AXIN1: variants seen among roughly 807,000 people sequenced by gnomAD.
AXIN1 encodes the protein axin-1.
A neutral mutation model predicts 76.4 loss-of-function variants in AXIN1; 30 were observed. The ratio of observed to expected loss-of-function variants is 0.39; its 90% CI spans 0.29 to 0.53. AXIN1 has a LOEUF of 0.53. AXIN1 is among the 20% of genes least tolerant of loss of function. AXIN1 has a pLI of 0.66. For missense variants in AXIN1, 1,140 were observed against 1,198.8 expected (o/e 0.95, Z 0.72); for synonymous variants, 545 against 501.4 (o/e 1.09, Z -1.16).
rs2054167728 is a variant in AXIN1, at chr16:352,486, C to T, written c.-199G>A. The T allele has an allele frequency of 2.2e-6, 2 of 915,508 alleles. No individual in the cohort carries two copies. The highest frequency in any genetic ancestry group is 1.2e-4 in the East Asian group (1 of 8,366). The allele number at this position is 915,508 out of a possible 1,614,324, so 56.7% of individuals were successfully genotyped here. ...GACCCGGCGGGGGCGCGGCCCGGGG[C>T]GGCCCCCATCTCGGCGGCTGCGGCT... is the stretch of plus-strand genomic sequence containing the variant. On this transcript the variant is annotated 5_prime_UTR_variant, in exon 1 of 11. Coordinates refer to ENST00000262320, the MANE Select transcript of AXIN1 (RefSeq NM_003502.4).
intron 2 of AXIN1, among the ~76,000 whole-genome samples, chr16:325,241 C>A (rs1402785093): frequency 6.6e-6 from 1 of 152,232 alleles, no homozygotes; most frequent in Non-Finnish European, 1.5e-5. Flanking sequence ...CCACCTGTCG[C>A]TCGAGGTCAG....
intron 4 of AXIN1, among the ~76,000 whole-genome samples, chr16:306,814 GT>G (rs2053038971): frequency 6.6e-6 from 1 of 152,228 alleles, no homozygotes; most frequent in Admixed American, 6.5e-5. Context: ...GAAGGGGTCT[GT>G]CCCGGAGCCA....
intron 5 of AXIN1, among the ~76,000 whole-genome samples, chr16:301,771 C>T (rs895976653): frequency 2.0e-5 from 3 of 152,152 alleles, no homozygotes; most frequent in Admixed American, 6.5e-5. Flanking sequence ...AAAATTACAG[C>T]GGCCGGCGAC....
intron 9 of AXIN1, chr16:290,814 CCCCG>C (rs1330980505): frequency 2.6e-6 from 1 of 383,070 alleles, no homozygotes; most frequent in Non-Finnish European, 5.0e-6. Flanking sequence ...GCACCTGCAG[CCCCG>C]AGCCTGGTCA....
intron 1 of AXIN1, among the ~76,000 whole-genome samples, chr16:350,941 G>A (rs1052811465): frequency 6.6e-6 from 1 of 152,032 alleles, no homozygotes; most frequent in Non-Finnish European, 1.5e-5. Context: ...AGACCATCCT[G>A]ACCCACATAC....
At chr16:330,437 T>C (rs529951003) in intron 2 of AXIN1, among the ~76,000 whole-genome samples, 2 of 152,292 alleles carry the variant, frequency 1.3e-5, no homozygotes, top group East Asian at 1.9e-4. Flanking sequence ...ATAATGTACA[T>C]GAAGAACACT....
Position 293,347 on chromosome 16 carries a change from G to A in AXIN1, c.2186+141C>T. 2 of 843,746 alleles carry A rather than the reference G, an allele frequency of 2.4e-6. No individual in the cohort carries two copies. The highest frequency in any genetic ancestry group is 3.3e-5 in the South Asian group (2 of 60,928). 52.3% of individuals were successfully genotyped at this position (843,746 alleles called of 1,614,324 possible). On this transcript the variant is annotated intron_variant, in intron 8 of 10. Coordinates refer to ENST00000262320, the MANE Select transcript of AXIN1 (RefSeq NM_003502.4). The surrounding 1 kb of genome is among the most constrained non-coding windows in gnomAD (Gnocchi z 4.6). ...ACGTGGCCCCTCAGTGGTTCTCAGTGGATGGAAGGGCCCAGTATGGCTGGG... is the reference window on the plus strand; with the variant it reads ...ACGTGGCCCCTCAGTGGTTCTCAGTAGATGGAAGGGCCCAGTATGGCTGGG...
intron 2 of AXIN1, among the ~76,000 whole-genome samples, chr16:326,226 C>T (rs1221662038): frequency 2.0e-5 from 3 of 150,754 alleles, no homozygotes; most frequent in Non-Finnish European, 4.4e-5. Flanking sequence ...TGGCGACAGG[C>T]GCCCATAATC....
At chr16:340,764 G>GTCA (rs2053900388) in intron 2 of AXIN1, among the ~76,000 whole-genome samples, 1 of 152,224 alleles carries the variant, frequency 6.6e-6, no homozygotes, top group African/African-American at 2.4e-5. Flanking sequence ...AATGACAGTG[G>GTCA]GTGAGTGGGA....
chr16:325,060 G>C (rs1461718203), intron 2 of AXIN1, among the ~76,000 whole-genome samples: 1 of 152,076 alleles, frequency 6.6e-6, no homozygotes. Context: ...CCAGATCACA[G>C]CCTCAGCCCC....
intron 2 of AXIN1, among the ~76,000 whole-genome samples, chr16:339,750 C>A (rs2053878774): frequency 6.6e-6 from 1 of 152,122 alleles, no homozygotes; most frequent in African/African-American, 2.4e-5. Context: ...GACTAGAAAC[C>A]CCCCACACCC....
intron 1 of AXIN1, 34 bp from the exon 2 acceptor site, chr16:347,140 A>G: frequency 6.3e-7 from 1 of 1,582,950 alleles, no homozygotes; most frequent in Non-Finnish European, 8.6e-7. Context: ...AGGATTAGGA[A>G]AGGTGGGTCC....
At chr16:306,979 C>CCTG (rs1277300499) in intron 4 of AXIN1, among the ~76,000 whole-genome samples, 1 of 152,188 alleles carries the variant, frequency 6.6e-6, no homozygotes, top group Non-Finnish European at 1.5e-5. Flanking sequence ...GCACCCGGGG[C>CCTG]CTGGAGGCTG....
intron 2 of AXIN1, among the ~76,000 whole-genome samples, chr16:334,259 CAGTACACCAAT>C (rs2053755919): frequency 6.9e-6 from 1 of 145,218 alleles, no homozygotes; most frequent in African/African-American, 2.6e-5. Flanking sequence ...CCCAGTACCA[CAGTACACCAAT>C]AACACAGCAC....
rs534851874 is a variant in AXIN1 at position 309,394 on chromosome 16, G to A, written c.1116+579C>T. Among the ~76,000 whole-genome samples, 4 of 152,314 alleles carry A rather than the reference G, an allele frequency of 2.6e-5. No individual in the cohort carries two copies. In the East Asian group the frequency reaches 7.7e-4, roughly 29 times the overall value. On this transcript the variant is annotated intron_variant, in intron 4 of 10. Transcript: ENST00000262320. ...GGAAAGATCATTAATCTGTTCATCA[G>A]CGCAGGAATGCTCTGTAGACGGAGT...
Position 346,793 on chromosome 16 carries a change from G to A in AXIN1, c.233C>T (p.Pro78Leu), listed in dbSNP as rs1198404685. ...LGYEPEGSAS[P>L]TPPYLKWAES... is the part of the protein sequence containing the mutation. ...AGCCCACTTCAAGTATGGTGGGGTGGGGGAGGCACTGCCCTCAGGCTCATA... is the reference window on the plus strand; with the variant it reads ...AGCCCACTTCAAGTATGGTGGGGTGAGGGAGGCACTGCCCTCAGGCTCATA... The change falls in exon 2 of 11, where the codon CCC becomes CTC. Residue 78 changes from proline to leucine, a missense_variant. By Grantham distance (98) the Pro-to-Leu change is moderately conservative. Transcript: ENST00000262320. The A allele has an allele frequency of 1.9e-6, 3 of 1,612,212 alleles. No homozygotes were observed. Among genetic ancestry groups the A allele is most frequent in the East Asian group, 2.2e-5 (1 of 44,830 alleles).
In AXIN1 at chr16:323,480, A is replaced by T. The variant is rs111550205; in HGVS notation, c.879-8797T>A. 8.9e-3 allele frequency among the ~76,000 whole-genome samples: 1,337 copies of T among 150,108 alleles called. 19 individuals carry two copies. The highest frequency in any genetic ancestry group is 0.03 in the African/African-American group (1,214 of 40,444). ...AAAGAAAAAAAGCCAAAATAAGATT[A>T]AAAAAAACAAAACAAAACAGGCGGG... On this transcript the variant is annotated intron_variant, in intron 2 of 10. Transcript: ENST00000262320.
At chr16:314,398 G>T (rs1394418467) in intron 3 of AXIN1, 145 bp downstream of exon 3, 1 of 1,278,034 alleles carries the variant, frequency 7.8e-7, no homozygotes, top group Non-Finnish European at 1.1e-6. Flanking sequence ...CTCTGCAGCA[G>T]GGTGGGACTT....
chr16:323,734 T>C (rs1004419110), intron 2 of AXIN1, among the ~76,000 whole-genome samples: 2 of 148,620 alleles, frequency 1.3e-5, no homozygotes, highest in Non-Finnish European at 3.0e-5. Context: ...TGAGATGAGA[T>C]CACACCACTG....
Sources: gnomAD v4.1 joint callset for allele counts (sites outside exome capture counted in the v4.1 genomes callset) on GRCh38, gnomAD v4.1.1 for gene constraint, Gnocchi (gnomAD v3.1) non-coding constraint, MANE v1.5 for transcripts, NCBI Gene and HGNC (gene_info 2026-07-23, HGNC 2026-07-21) for gene names.